AGBL4: variants seen among roughly 807,000 people sequenced by gnomAD.
AGBL4 encodes the protein AGBL carboxypeptidase 4, also known as cytosolic carboxypeptidase 6.
In AGBL4, 58 loss-of-function variants were observed where a neutral mutation model predicts 66.4. The ratio of observed to expected loss-of-function variants is 0.87; its 90% CI spans 0.71 to 1.09. The LOEUF is 1.09. Ranked by LOEUF, AGBL4 falls within the 50% of genes least tolerant of loss-of-function variation. The pLI, the probability that AGBL4 is intolerant of heterozygous loss-of-function variation, is 0.00. For synonymous variants in AGBL4, 234 were observed against 222.9 expected (o/e 1.05, Z -0.44); for missense variants, 579 against 631.0 (o/e 0.92, Z 0.88).
intron 1 of AGBL4, among the ~76,000 whole-genome samples, chr1:49,894,341 C>T (rs907993658): frequency 9.2e-5 from 14 of 152,020 alleles, no homozygotes; most frequent in African/African-American, 3.4e-4. Context: ...GCATCAAGGA[C>T]ATCAAGGAAA....
At chr1:49,572,351 CAT>C (rs1644348428) in intron 3 of AGBL4, among the ~76,000 whole-genome samples, 1 of 152,298 alleles carries the variant, frequency 6.6e-6, no homozygotes, top group South Asian at 2.1e-4. Context: ...CAGTTCATGA[CAT>C]ACAATTCTTT....
At chr1:48,847,168 C>T (rs973537219) in intron 6 of AGBL4, among the ~76,000 whole-genome samples, 31 of 151,990 alleles carry the variant, frequency 2.0e-4, no homozygotes, top group Non-Finnish European at 1.3e-4. Flanking sequence ...GGCATGGTGG[C>T]GCATGCCTGT....
chr1:48,663,194 G>C lies in AGBL4; in HGVS notation c.682C>G (p.Arg228Gly). 1 of 1,613,924 alleles carries C rather than the reference G, an allele frequency of 6.2e-7. No individual in the cohort carries two copies. The highest frequency in any genetic ancestry group is 2.2e-5 in the East Asian group (1 of 44,876). ...AEQKVVFITG[R>G]VHPGETPSSF... is the part of the protein sequence containing the mutation. The stretch of plus-strand genomic sequence containing the variant: ...GAGGGTGTTTCCCCTGGGTGGACTC[G>C]TCCTGTGATGAATACCACCTTCTGC... Residue 228 changes from arginine to glycine, a missense_variant, in exon 7 of 14, where the codon CGA becomes GGA. By Grantham distance (125) the Arg-to-Gly change is moderately radical. Transcript: ENST00000371839.
intron 4 of AGBL4, among the ~76,000 whole-genome samples, chr1:49,116,968 C>T (rs976623809): frequency 1.3e-5 from 2 of 152,098 alleles, no homozygotes; most frequent in Non-Finnish European, 2.9e-5. Flanking sequence ...TCTCTGATGA[C>T]CAGTGATGAT....
At chr1:49,315,035 G>C (rs937350396) in intron 3 of AGBL4, among the ~76,000 whole-genome samples, 1 of 151,894 alleles carries the variant, frequency 6.6e-6, no homozygotes, top group African/African-American at 2.4e-5. Flanking sequence ...AACCAAACCA[G>C]CATGGTACTG....
At chr1:49,077,073 C>G (rs1323215060) in intron 4 of AGBL4, among the ~76,000 whole-genome samples, 1 of 149,420 alleles carries the variant, frequency 6.7e-6, no homozygotes, top group Non-Finnish European at 1.5e-5. Context: ...ACATCCATAT[C>G]GCTTCAGTGA....
At chr1:48,598,813 A>T (rs1277211704) in intron 9 of AGBL4, among the ~76,000 whole-genome samples, 1 of 152,018 alleles carries the variant, frequency 6.6e-6, no homozygotes, top group East Asian at 2.0e-4. Flanking sequence ...GTTCTTCAAT[A>T]ATAAATCAAC....
intron 5 of AGBL4, among the ~76,000 whole-genome samples, chr1:48,880,993 A>G (rs1455311061): frequency 6.6e-6 from 1 of 152,218 alleles, no homozygotes; most frequent in Non-Finnish European, 1.5e-5. Context: ...AATATAAGAC[A>G]TTTAGACTGT....
intron 3 of AGBL4, among the ~76,000 whole-genome samples, chr1:49,593,221 C>T (rs1441246270): frequency 5.9e-5 from 9 of 152,000 alleles, no homozygotes; most frequent in South Asian, 2.1e-4. Flanking sequence ...CTGGCTAACA[C>T]GGTGAAACCC....
At chr1:49,675,237 C>T (rs1238304527) in intron 3 of AGBL4, among the ~76,000 whole-genome samples, 2 of 151,902 alleles carry the variant, frequency 1.3e-5, no homozygotes, top group Non-Finnish European at 2.9e-5. Flanking sequence ...TAAAAAAAGG[C>T]CACATTGTTG....
intron 4 of AGBL4, among the ~76,000 whole-genome samples, chr1:49,180,333 T>C (rs1000672090): frequency 1.3e-5 from 2 of 152,166 alleles, no homozygotes; most frequent in African/African-American, 4.8e-5. Flanking sequence ...AATTTCTTAA[T>C]ACTAAATAAA....
chr1:48,933,383 G>A (rs1223415485), intron 5 of AGBL4, among the ~76,000 whole-genome samples: 1 of 152,178 alleles, frequency 6.6e-6, no homozygotes, highest in Non-Finnish European at 1.5e-5. Context: ...GAGACAGGAA[G>A]CTCACTACCT....
intron 6 of AGBL4, among the ~76,000 whole-genome samples, chr1:48,735,485 A>G (rs1253812869): frequency 6.6e-6 from 1 of 151,522 alleles, no homozygotes; most frequent in Non-Finnish European, 1.5e-5. Context: ...AAGGAAGGAA[A>G]AAGGAGGAAG....
At chr1:48,872,241 T>C (rs546159531) in intron 5 of AGBL4, among the ~76,000 whole-genome samples, 2 of 152,270 alleles carry the variant, frequency 1.3e-5, no homozygotes, top group East Asian at 1.9e-4. Context: ...ACTATGTGTA[T>C]ATATTTAATG....
intron 9 of AGBL4, among the ~76,000 whole-genome samples, chr1:48,594,121 T>C (rs1469457243): frequency 6.6e-6 from 1 of 151,618 alleles, no homozygotes; most frequent in Non-Finnish European, 1.5e-5. Context: ...AGGTAAGGAG[T>C]TCAAGACCAG....
chr1:49,101,865 T>C (rs530254778), intron 4 of AGBL4, among the ~76,000 whole-genome samples: 12 of 152,286 alleles, frequency 7.9e-5, no homozygotes, highest in South Asian at 2.1e-4. Flanking sequence ...AAGTACTATG[T>C]TCCCCCGTGA....
chr1:49,406,990 G>A (rs1385296435), intron 3 of AGBL4, among the ~76,000 whole-genome samples: 4 of 150,150 alleles, frequency 2.7e-5, no homozygotes, highest in South Asian at 2.1e-4. Context: ...GCGTAAACCC[G>A]GGAGGTGGAG....
chr1:48,594,504 T>A (rs1644966659), intron 9 of AGBL4, among the ~76,000 whole-genome samples: 1 of 152,228 alleles, frequency 6.6e-6, no homozygotes, highest in Non-Finnish European at 1.5e-5. Flanking sequence ...ATAAAGATAC[T>A]TTTGTCATTT....
intron 4 of AGBL4, among the ~76,000 whole-genome samples, chr1:49,195,181 G>A (rs559953350): frequency 2.8e-4 from 43 of 151,964 alleles, no homozygotes; most frequent in African/African-American, 8.9e-4. Flanking sequence ...GTGGTTTTGC[G>A]GAGTTCTGTT....
Sources: gnomAD v4.1 joint callset for allele counts (sites outside exome capture counted in the v4.1 genomes callset) on GRCh38, gnomAD v4.1.1 for gene constraint, MANE v1.5 for transcripts, NCBI Gene and HGNC (gene_info 2026-07-23, HGNC 2026-07-21) for gene names.